The following ATF6 variants were observed in gnomAD, a reference collection of about 807,000 sequenced individuals.
The protein encoded by ATF6 is cyclic AMP-dependent transcription factor ATF-6 alpha.
Under a neutral mutation model 83.6 loss-of-function variants are expected in ATF6, and 53 were observed. That is an observed-to-expected ratio of 0.63 (90% CI 0.51 to 0.80). The LOEUF is 0.80. ATF6 is among the 30% of genes least tolerant of loss of function. The probability of loss-of-function intolerance (pLI) is 0.00; values close to 1 mark genes in which losing one functional copy is unlikely to be tolerated. For missense variants in ATF6, 744 were observed against 797.9 expected, an observed-to-expected ratio of 0.93 and a Z score of 0.81; for synonymous variants, 288 against 285.8, an observed-to-expected ratio of 1.01 and a Z score of -0.08.
intron 1 of ATF6, among the ~76,000 whole-genome samples, chr1:161,772,963 GTTTTT>G (rs34459711): frequency 1.4e-5 from 1 of 73,522 alleles, no homozygotes; most frequent in South Asian, 4.8e-4. Context: ...TGAAACTCCT[GTTTTT>G]TTTTTTTTTT....
Position 161,821,129 on chromosome 1 carries a change from G to GGC in ATF6, c.1156_1157dup (p.Phe387HisfsTer3). 1 of 1,612,292 alleles carries GGC rather than the reference G, an allele frequency of 6.2e-7. No individual in the cohort carries two copies. Among genetic ancestry groups the GGC allele is most frequent in the Non-Finnish European group, 8.5e-7 (1 of 1,179,018 alleles). ...GAGTTGTCTGTGTGATGATAGTATT[G>GGC]GCATTTATAATACTGAACTATGGAC... On this transcript the variant is annotated frameshift_variant, in exon 9 of 16. Transcript: ENST00000367942. LOFTEE classifies it high-confidence loss of function.
At chr1:161,914,162 A>G (rs978914865) in intron 15 of ATF6, among the ~76,000 whole-genome samples, 4 of 152,200 alleles carry the variant, frequency 2.6e-5, no homozygotes, top group Admixed American at 2.6e-4. Flanking sequence ...TATTGATTGA[A>G]TATATACCGT....
At chr1:161,837,817 A>G (rs1199368320) in intron 9 of ATF6, among the ~76,000 whole-genome samples, 1 of 152,208 alleles carries the variant, frequency 6.6e-6, no homozygotes. Context: ...TTTATCAAAT[A>G]CTAATTACGT....
intron 12 of ATF6, among the ~76,000 whole-genome samples, chr1:161,856,979 G>A (rs1379544927): frequency 6.6e-6 from 1 of 152,158 alleles, no homozygotes; most frequent in Non-Finnish European, 1.5e-5. Flanking sequence ...AGAAATGTGA[G>A]AATCTTAGCT....
intron 9 of ATF6, among the ~76,000 whole-genome samples, chr1:161,834,011 G>A (rs1461806168): frequency 6.6e-6 from 1 of 152,170 alleles, no homozygotes; most frequent in African/African-American, 2.4e-5. Flanking sequence ...AGAGAGAAAG[G>A]TTGGGTTACC....
At chr1:161,784,457 C>T (rs1315608391) in intron 4 of ATF6, among the ~76,000 whole-genome samples, 1 of 152,118 alleles carries the variant, frequency 6.6e-6, no homozygotes, top group Non-Finnish European at 1.5e-5. Context: ...GTAAGATGGT[C>T]AGTTTTTATA....
At chr1:161,886,477 C>T (rs1454467749) in intron 14 of ATF6, among the ~76,000 whole-genome samples, 2 of 152,132 alleles carry the variant, frequency 1.3e-5, no homozygotes, top group Admixed American at 6.5e-5. Flanking sequence ...ATTGTACAAA[C>T]GTCATAGAGT....
intron 14 of ATF6, among the ~76,000 whole-genome samples, chr1:161,909,563 C>A (rs1279788994): frequency 2.0e-5 from 3 of 151,530 alleles, no homozygotes; most frequent in African/African-American, 7.3e-5. Flanking sequence ...GTTTCCCCAA[C>A]AAAATAAAAA....
chr1:161,792,440 G>GA, intron 6 of ATF6, 113 bp downstream of exon 6: 1 of 1,051,402 alleles, frequency 9.5e-7, no homozygotes, highest in Non-Finnish European at 1.4e-6. Context: ...TGTTTGTCAG[G>GA]AATGTCTTTG....
chr1:161,843,691 G>A (rs1009848369), intron 9 of ATF6, among the ~76,000 whole-genome samples: 2 of 152,030 alleles, frequency 1.3e-5, no homozygotes, highest in Non-Finnish European at 2.9e-5. Flanking sequence ...TAACATTCTT[G>A]TGATATCTTT....
intron 12 of ATF6, 91 bp from the exon 13 acceptor site, chr1:161,860,116 A>G: frequency 1.3e-6 from 1 of 781,846 alleles, no homozygotes; most frequent in Non-Finnish European, 1.9e-6. Flanking sequence ...ATGGAAGTTT[A>G]ACAAATTTAA....
At chr1:161,828,771 G>A (rs1685968755) in intron 9 of ATF6, among the ~76,000 whole-genome samples, 1 of 152,182 alleles carries the variant, frequency 6.6e-6, no homozygotes, top group Admixed American at 6.5e-5. Context: ...AGACAAAAAT[G>A]CAGTTTAGGT....
At chr1:161,867,051 T>C (rs1487985378) in intron 14 of ATF6, among the ~76,000 whole-genome samples, 2 of 152,114 alleles carry the variant, frequency 1.3e-5, no homozygotes, top group Non-Finnish European at 2.9e-5. Context: ...TCCCAGCACG[T>C]TGGGAGGCCG....
At chr1:161,932,049 C>T (rs1438471398) in intron 15 of ATF6, among the ~76,000 whole-genome samples, 2 of 151,846 alleles carry the variant, frequency 1.3e-5, no homozygotes, top group African/African-American at 4.8e-5. Context: ...GGTTGTTTAC[C>T]CTGTGCCAAG....
At chr1:161,864,995 A>G (rs72708080) in intron 14 of ATF6, among the ~76,000 whole-genome samples, 244 of 152,366 alleles carry the variant, frequency 1.6e-3, no homozygotes, top group Non-Finnish European at 2.4e-3. Context: ...TTAACACTCA[A>G]ATAGACAGTT....
At chr1:161,813,911 T>C (rs1470009397) in intron 7 of ATF6, among the ~76,000 whole-genome samples, 1 of 151,126 alleles carries the variant, frequency 6.6e-6, no homozygotes, top group Non-Finnish European at 1.5e-5. Flanking sequence ...TGAGATGGAG[T>C]TTCACTTTTG....
At chr1:161,809,769 A>G (rs1156922804) in intron 7 of ATF6, among the ~76,000 whole-genome samples, 1 of 152,016 alleles carries the variant, frequency 6.6e-6, no homozygotes, top group African/African-American at 2.4e-5. Flanking sequence ...TGTGGTTTTG[A>G]TTTGCATTTC....
At chr1:161,936,751 C>T (rs375138974) in intron 15 of ATF6, among the ~76,000 whole-genome samples, 10 of 152,302 alleles carry the variant, frequency 6.6e-5, no homozygotes, top group Admixed American at 2.0e-4. Context: ...CAAACCCACT[C>T]TAATCCCTGA....
chr1:161,781,039 T>G (rs1156535686), intron 2 of ATF6, among the ~76,000 whole-genome samples: 1 of 152,204 alleles, frequency 6.6e-6, no homozygotes, highest in Non-Finnish European at 1.5e-5. Context: ...ATGTATTAAG[T>G]TTACTTTTCT....
Sources: gnomAD v4.1 joint callset for allele counts (sites outside exome capture counted in the v4.1 genomes callset) on GRCh38, gnomAD v4.1.1 for gene constraint, MANE v1.5 for transcripts, NCBI Gene and HGNC (gene_info 2026-07-23, HGNC 2026-07-21) for gene names.